The following CTCF variants were observed in gnomAD, a reference collection of about 807,000 sequenced individuals.
CTCF encodes the protein CCCTC-binding factor.
A neutral mutation model predicts 72.3 loss-of-function variants in CTCF; 7 were observed. The observed-to-expected ratio is 0.10, with a 90% CI of 0.06 to 0.18. The LOEUF (loss-of-function observed/expected upper bound fraction) is 0.18, where lower values mean the gene tolerates loss of function less well. Ranked by LOEUF, CTCF falls within the 10% of genes least tolerant of loss-of-function variation. The pLI, the probability that CTCF is intolerant of heterozygous loss-of-function variation, is 1.00. For synonymous variants in CTCF, 374 were observed against 315.8 expected, an observed-to-expected ratio of 1.18 and a Z score of -1.95; for missense variants, 516 against 949.1, an observed-to-expected ratio of 0.54 and a Z score of 6.00.
At chr16:67,634,625 C>T (rs2052406376) in intron 10 of CTCF, among the ~76,000 whole-genome samples, 1 of 151,608 alleles carries the variant, frequency 6.6e-6, no homozygotes, top group South Asian at 2.1e-4. Flanking sequence ...TTAAGCAGGC[C>T]TCTTGCCTCC....
intron 2 of CTCF, among the ~76,000 whole-genome samples, chr16:67,573,996 A>G (rs2051460573): frequency 6.6e-6 from 1 of 150,828 alleles, no homozygotes; most frequent in African/African-American, 2.4e-5. Flanking sequence ...ATGCCACTGT[A>G]CTCTGGCTTG....
chr16:67,624,067 ATATATGTG>A (rs1426529824), intron 7 of CTCF, among the ~76,000 whole-genome samples: 6 of 96,352 alleles, frequency 6.2e-5, no homozygotes, highest in Admixed American at 2.3e-4. Flanking sequence ...AAAAAAAATT[ATATATGTG>A]TGTGTGTGTG....
At chr16:67,607,268 C>G (rs1236513124) in intron 2 of CTCF, among the ~76,000 whole-genome samples, 1 of 151,042 alleles carries the variant, frequency 6.6e-6, no homozygotes, top group Admixed American at 6.6e-5. Context: ...CTATTTTACT[C>G]TTGTTTAGGT....
At position 67,611,459 on chromosome 16, in the gene CTCF, G is replaced by A. The variant is rs747123591; in HGVS notation, c.627G>A (p.Lys209=). Residue 209 remains lysine (K), a synonymous_variant, in exon 3 of 12, where the codon AAG becomes AAA. Coordinates refer to ENST00000264010, the MANE Select transcript of CTCF (RefSeq NM_006565.4). ...PPAKKTKKTK[K]SKLRYTEEGK... is the part of the protein sequence containing the mutation. ...CCAAAAAAACAAAGAAAACCAAAAA[G>A]AGCAAACTGCGTTATACAGAGGAGG... 4.3e-6 allele frequency: 7 copies of A among 1,614,030 alleles called. No homozygotes were observed. The East Asian group carries it at 1.3e-4, about 31-fold the overall frequency.
intron 10 of CTCF, among the ~76,000 whole-genome samples, chr16:67,632,184 G>A (rs552275547): frequency 5.3e-5 from 8 of 152,186 alleles, no homozygotes; most frequent in African/African-American, 1.7e-4. Context: ...TAACCTTGGG[G>A]ATCCCTATAG....
intron 4 of CTCF, among the ~76,000 whole-genome samples, chr16:67,613,485 A>C (rs1160568813): frequency 6.6e-6 from 1 of 152,188 alleles, no homozygotes; most frequent in Admixed American, 6.5e-5. Flanking sequence ...AGACACTAGG[A>C]TGGGGCATAT....
In CTCF at chr16:67,611,629, C is replaced by T. The variant is rs2142827107; in HGVS notation, c.781+16C>T. On this transcript the variant is annotated intron_variant, in intron 3 of 11. Transcript: ENST00000264010. ...AAAAAGAAAGGTAAAACGAGTTTAT[C>T]CATAGTGGTTTCATAAAACCATTTT... The T allele has an allele frequency of 6.2e-7, 1 of 1,601,124 alleles. No homozygotes were observed. The highest frequency in any genetic ancestry group is 8.5e-7 in the Non-Finnish European group (1 of 1,175,280).
At chr16:67,607,345 G>A (rs963984432) in intron 2 of CTCF, among the ~76,000 whole-genome samples, 1 of 150,422 alleles carries the variant, frequency 6.6e-6, no homozygotes, top group Admixed American at 6.6e-5. Context: ...TCACTCTGTC[G>A]CCCAGGCTGG....
At chr16:67,598,822 C>T (rs750197254) in intron 2 of CTCF, among the ~76,000 whole-genome samples, 6 of 152,206 alleles carry the variant, frequency 3.9e-5, no homozygotes, top group Non-Finnish European at 8.8e-5. Context: ...CTGAATTCCA[C>T]AGAGAGGTCA....
chr16:67,622,082 C>T (rs1489019181), intron 7 of CTCF, among the ~76,000 whole-genome samples: 2 of 151,990 alleles, frequency 1.3e-5, no homozygotes, highest in Admixed American at 6.6e-5. Context: ...GTAGGCCGGG[C>T]GCGGCAGCTC....
chr16:67,594,286 A>C (rs2051782518), intron 2 of CTCF, among the ~76,000 whole-genome samples: 1 of 150,814 alleles, frequency 6.6e-6, no homozygotes, highest in Admixed American at 6.7e-5. Flanking sequence ...TGGGAGGCTG[A>C]GGTAGGAGGA....
intron 2 of CTCF, among the ~76,000 whole-genome samples, chr16:67,576,452 T>G (rs2051498112): frequency 6.6e-6 from 1 of 152,016 alleles, no homozygotes; most frequent in Non-Finnish European, 1.5e-5. Context: ...AATACTTTTT[T>G]TCTTTTCTTA....
At chr16:67,565,627 T>A (rs1245752803) in intron 1 of CTCF, among the ~76,000 whole-genome samples, 2 of 149,652 alleles carry the variant, frequency 1.3e-5, no homozygotes, top group Admixed American at 6.7e-5. Flanking sequence ...GAGCCGAGAT[T>A]GTGCTGCTGC....
chr16:67,609,290 T>C (rs2052024130), intron 2 of CTCF, among the ~76,000 whole-genome samples: 1 of 152,240 alleles, frequency 6.6e-6, no homozygotes, highest in African/African-American at 2.4e-5. Flanking sequence ...TCTCAGTTAT[T>C]TTCAGGTATA....
At chr16:67,590,231 C>G (rs1400313387) in intron 2 of CTCF, among the ~76,000 whole-genome samples, 1 of 151,938 alleles carries the variant, frequency 6.6e-6, no homozygotes. Flanking sequence ...TCCTTCCCCT[C>G]CTCCCATACT....
In CTCF at chr16:67,621,830, A is replaced by G. The variant is rs1438509077; in HGVS notation, c.1357+239A>G. Among the ~76,000 whole-genome samples the G allele has an allele frequency of 3.4e-5, 5 of 146,204 alleles. No homozygotes were observed. In the Admixed American group the frequency reaches 3.5e-4, roughly 10 times the overall value. On this transcript the variant is annotated intron_variant, in intron 7 of 11. Coordinates refer to ENST00000264010, the MANE Select transcript of CTCF (RefSeq NM_006565.4). The stretch of plus-strand genomic sequence containing the variant: ...ATTCTGTCCTGAGTAAAACTCATCT[A>G]TAAATTAATGGGAGCTGTGATGGGA...
At chr16:67,579,201 G>C (rs1188100418) in intron 2 of CTCF, among the ~76,000 whole-genome samples, 1 of 151,592 alleles carries the variant, frequency 6.6e-6, no homozygotes, top group Non-Finnish European at 1.5e-5. Context: ...GTTGCAGTGA[G>C]CCGAGATCGC....
At chr16:67,616,682 T>C (rs2052135774) in intron 4 of CTCF, 63 bp from the exon 5 acceptor site, 33 of 1,581,408 alleles carry the variant, frequency 2.1e-5, no homozygotes, top group Non-Finnish European at 2.6e-5. Context: ...GTGCCACACA[T>C]TGAACTCTGT....
At chr16:67,562,996 G>A (rs932590197) in intron 1 of CTCF, among the ~76,000 whole-genome samples, 5 of 145,230 alleles carry the variant, frequency 3.4e-5, no homozygotes, top group African/African-American at 5.1e-5. Context: ...CAGAGGCAGA[G>A]GCCCGCGCGC....
Sources: gnomAD v4.1 joint callset for allele counts (sites outside exome capture counted in the v4.1 genomes callset) on GRCh38, gnomAD v4.1.1 for gene constraint, MANE v1.5 for transcripts, NCBI Gene and HGNC (gene_info 2026-07-23, HGNC 2026-07-21) for gene names.